The following TAFA2 variants were observed in gnomAD, a reference collection of about 807,000 sequenced individuals.
TAFA2 encodes the protein TAFA chemokine like family member 2, also known as chemokine-like protein TAFA-2.
TAFA2 carries 7 observed loss-of-function variants against 18.8 expected under a neutral mutation model. That is an observed-to-expected ratio of 0.37 (90% CI 0.21 to 0.70). The LOEUF (loss-of-function observed/expected upper bound fraction) is 0.70. Ranked by LOEUF, TAFA2 falls within the 30% of genes least tolerant of loss-of-function variation. The pLI, the probability that TAFA2 is intolerant of heterozygous loss-of-function variation, is 0.53. For missense variants in TAFA2, 122 were observed against 158.1 expected, an observed-to-expected ratio of 0.77 and a Z score of 1.23; for synonymous variants, 60 against 54.2, an observed-to-expected ratio of 1.11 and a Z score of -0.47.
intron 1 of TAFA2, among the ~76,000 whole-genome samples, chr12:61,876,098 CT>C (rs916042823): frequency 6.6e-6 from 1 of 151,942 alleles, no homozygotes; most frequent in African/African-American, 2.4e-5. Flanking sequence ...CATTTTCTTT[CT>C]TTTTTAATAA....
intron 1 of TAFA2, among the ~76,000 whole-genome samples, chr12:61,951,093 A>G (rs1449605114): frequency 2.0e-5 from 3 of 152,122 alleles, no homozygotes; most frequent in Non-Finnish European, 4.4e-5. Context: ...CAGAGACGAA[A>G]AAAGATCTCA....
intron 2 of TAFA2, among the ~76,000 whole-genome samples, chr12:61,755,825 C>T (rs1869238290): frequency 6.6e-6 from 1 of 151,974 alleles, no homozygotes; most frequent in Non-Finnish European, 1.5e-5. Context: ...TGATAAGATT[C>T]TAGTTTGTCT....
At chr12:61,944,429 G>C (rs1462901430) in intron 1 of TAFA2, among the ~76,000 whole-genome samples, 1 of 128,492 alleles carries the variant, frequency 7.8e-6, no homozygotes, top group South Asian at 3.0e-4. Context: ...TCAAAAGCTA[G>C]CAGAAGGCAA....
At chr12:61,883,907 A>T (rs1378204873) in intron 1 of TAFA2, among the ~76,000 whole-genome samples, 2 of 152,226 alleles carry the variant, frequency 1.3e-5, no homozygotes, top group African/African-American at 4.8e-5. Context: ...TCTGAATACC[A>T]GTTACTCCAC....
At chr12:62,059,101 T>A (rs1182450730) in intron 1 of TAFA2, among the ~76,000 whole-genome samples, 2 of 103,800 alleles carry the variant, frequency 1.9e-5, no homozygotes, top group African/African-American at 3.2e-5. Context: ...AGACTCCGTC[T>A]CAAAAAAAAT....
chr12:61,738,335 A>C, intron 4 of TAFA2, among the ~76,000 whole-genome samples: 2 of 144,800 alleles, frequency 1.4e-5, no homozygotes, highest in Admixed American at 1.4e-4. Context: ...ACACAAACCT[A>C]GCTCATAAAC....
chr12:62,078,997 A>G (rs991523145), intron 1 of TAFA2, among the ~76,000 whole-genome samples: 2 of 152,218 alleles, frequency 1.3e-5, no homozygotes, highest in African/African-American at 4.8e-5. Flanking sequence ...CATGTTTCAC[A>G]AATTTTTCTT....
rs549909511 is a variant in TAFA2 at position 61,880,190 on chromosome 12, C to T, written c.-1-12764G>A. 3 of 522,936 alleles carry T rather than the reference C, an allele frequency of 5.7e-6. No homozygotes were observed. The Admixed American group carries it at 7.5e-5, about 13-fold the overall frequency. The allele number at this position is 522,936 out of a possible 1,614,324, so 32.4% of individuals were successfully genotyped here. A position where few individuals can be genotyped will look rare whatever the true frequency, so the allele number is the denominator to read the frequency against. On this transcript the variant is annotated intron_variant, in intron 1 of 4. Transcript: ENST00000416284. Reference sequence around the variant, plus strand: ...GTACCAGATCAAGTATGAGGACCTGCAGATGCTGGCCAGGAAGCACGGGGA... The same window carrying T: ...GTACCAGATCAAGTATGAGGACCTGTAGATGCTGGCCAGGAAGCACGGGGA...
chr12:61,858,221 T>A (rs1873967880), intron 2 of TAFA2, among the ~76,000 whole-genome samples: 1 of 152,232 alleles, frequency 6.6e-6, no homozygotes, highest in African/African-American at 2.4e-5. Flanking sequence ...TTTCTGAAGC[T>A]ACAAGTGTCT....
chr12:61,955,987 T>G (rs1220396198), intron 1 of TAFA2, among the ~76,000 whole-genome samples: 1 of 152,082 alleles, frequency 6.6e-6, no homozygotes. Context: ...TTATAATTCC[T>G]CTGTAAGATA....
intron 1 of TAFA2, among the ~76,000 whole-genome samples, chr12:61,997,163 A>G (rs891553179): frequency 2.9e-5 from 2 of 69,530 alleles, no homozygotes; most frequent in African/African-American, 1.0e-4. Flanking sequence ...GACTATATGT[A>G]TATATGTGTG....
intron 1 of TAFA2, among the ~76,000 whole-genome samples, chr12:62,078,122 G>A (rs1286339251): frequency 2.0e-5 from 3 of 152,044 alleles, no homozygotes; most frequent in Admixed American, 6.6e-5. Context: ...ATCTCCATGG[G>A]CCTCATATGT....
chr12:62,079,618 C>A lies in TAFA2; in HGVS notation c.-2+111641G>T, dbSNP rs372231105. Among the ~76,000 whole-genome samples, 9 of 151,206 alleles carry A rather than the reference C, an allele frequency of 6.0e-5. No individual in the cohort carries two copies. The East Asian group carries it at 1.6e-3, about 26-fold the overall frequency. ...AGTAGAGGTTGCAGTAAGCCGAGAT[C>A]GTGCCACTACACTCCAGCCTGGGTG... On this transcript the variant is annotated intron_variant, in intron 1 of 4. Transcript: ENST00000416284.
intron 2 of TAFA2, among the ~76,000 whole-genome samples, chr12:61,793,493 T>G (rs1192200846): frequency 1.3e-5 from 2 of 151,666 alleles, no homozygotes; most frequent in Non-Finnish European, 3.0e-5. Context: ...TTGAGCAATT[T>G]AGGTGAAATG....
chr12:62,017,408 A>T, intron 1 of TAFA2, among the ~76,000 whole-genome samples: 1 of 152,188 alleles, frequency 6.6e-6, no homozygotes, highest in Non-Finnish European at 1.5e-5. Flanking sequence ...TAATTCAGCA[A>T]GTATATGTAT....
chr12:61,910,967 A>G (rs961872886), intron 1 of TAFA2, among the ~76,000 whole-genome samples: 3 of 152,168 alleles, frequency 2.0e-5, no homozygotes, highest in Non-Finnish European at 4.4e-5. Context: ...TGTTTTTAGG[A>G]CTGGCAAAAA....
chr12:62,161,999 T>C (rs1217327694), intron 1 of TAFA2, among the ~76,000 whole-genome samples: 1 of 152,226 alleles, frequency 6.6e-6, no homozygotes, highest in East Asian at 1.9e-4. Context: ...TAAGAACCTA[T>C]AAATGCTATT....
intron 1 of TAFA2, among the ~76,000 whole-genome samples, chr12:62,185,024 C>T (rs1205158712): frequency 2.6e-5 from 4 of 151,894 alleles, no homozygotes; most frequent in African/African-American, 4.8e-5. Context: ...TGAATTTTAA[C>T]CACTCAACAA....
intron 1 of TAFA2, among the ~76,000 whole-genome samples, chr12:62,146,197 G>T (rs2062279580): frequency 6.6e-6 from 1 of 152,090 alleles, no homozygotes; most frequent in African/African-American, 2.4e-5. Context: ...ACCTCAAGAA[G>T]GGGAAGCACC....
Sources: allele counts gnomAD v4.1 joint callset (sites outside exome capture counted in the v4.1 genomes callset), GRCh38; gene constraint gnomAD v4.1.1; transcripts MANE v1.5; gene names NCBI Gene and HGNC (gene_info 2026-07-23, HGNC 2026-07-21).